The following TENM3 variants were observed in gnomAD, a reference collection of about 807,000 sequenced individuals.
The protein encoded by TENM3 is teneurin transmembrane protein 3.
TENM3 carries 63 observed loss-of-function variants against 255.1 expected under a neutral mutation model. The observed-to-expected ratio is 0.25, with a 90% CI of 0.20 to 0.30. The LOEUF (loss-of-function observed/expected upper bound fraction) is 0.30. TENM3 is among the 10% of genes least tolerant of loss of function. The pLI is 1.00. For missense variants in TENM3, 2,929 were observed against 3,461.1 expected (o/e 0.85, Z 3.86); for synonymous variants, 1,306 against 1,322.3 (o/e 0.99, Z 0.27).
At chr4:182,763,971 A>ACTT (rs964621980) in intron 22 of TENM3, among the ~76,000 whole-genome samples, 3 of 152,214 alleles carry the variant, frequency 2.0e-5, no homozygotes, top group Admixed American at 6.5e-5. Context: ...TAGTTTTTTA[A>ACTT]CTTAATGTTT....
At chr4:182,552,380 TCTC>T (rs528178467) in intron 3 of TENM3, among the ~76,000 whole-genome samples, 97 of 152,350 alleles carry the variant, frequency 6.4e-4, no homozygotes, top group African/African-American at 2.2e-3. Context: ...TTACTGAACA[TCTC>T]CTTATGTTTC....
At chr4:182,551,540 A>G (rs1742018688) in intron 3 of TENM3, among the ~76,000 whole-genome samples, 3 of 151,586 alleles carry the variant, frequency 2.0e-5, no homozygotes, top group Admixed American at 2.0e-4. Context: ...AATCTATTAT[A>G]AATTGTACAA....
chr4:182,475,993 G>A (rs1464058712), intron 3 of TENM3, among the ~76,000 whole-genome samples: 1 of 152,206 alleles, frequency 6.6e-6, no homozygotes, highest in Admixed American at 6.5e-5. Context: ...ATATGGGACA[G>A]TAGTATTTTG....
chr4:182,206,580 C>T (rs945155670), intron 1 of TENM3, among the ~76,000 whole-genome samples: 5 of 152,148 alleles, frequency 3.3e-5, no homozygotes, highest in Non-Finnish European at 7.4e-5. Context: ...ATTCCTCATG[C>T]GTGTCATAGA....
At chr4:182,763,404 A>C (rs1273304432) in intron 22 of TENM3, among the ~76,000 whole-genome samples, 2 of 152,084 alleles carry the variant, frequency 1.3e-5, no homozygotes, top group Non-Finnish European at 2.9e-5. Flanking sequence ...TCTCTACTAA[A>C]AATACAAAAA....
intron 3 of TENM3, among the ~76,000 whole-genome samples, chr4:182,396,886 C>A (rs999589327): frequency 6.6e-6 from 1 of 151,540 alleles, no homozygotes; most frequent in Non-Finnish European, 1.5e-5. Flanking sequence ...TGCTTGTACG[C>A]GAGAGTGGGA....
chr4:182,583,606 T>C (rs1745719988), intron 3 of TENM3, among the ~76,000 whole-genome samples: 1 of 152,120 alleles, frequency 6.6e-6, no homozygotes, highest in Non-Finnish European at 1.5e-5. Context: ...ATCTCCCTAA[T>C]TTTTATATAA....
chr4:182,000,950 T>C, the TENM3 span, among the ~76,000 whole-genome samples: 1 of 151,680 alleles, frequency 6.6e-6, no homozygotes, highest in East Asian at 1.9e-4. Flanking sequence ...ATCTCAGGAA[T>C]GTTTTGAAGA....
chr4:182,288,398 A>G (rs1156650507), intron 1 of TENM3, among the ~76,000 whole-genome samples: 1 of 152,028 alleles, frequency 6.6e-6, no homozygotes, highest in Non-Finnish European at 1.5e-5. Flanking sequence ...TGAAGCCCCC[A>G]TCCCTTCTGG....
intron 3 of TENM3, among the ~76,000 whole-genome samples, chr4:182,459,511 T>C (rs923026846): frequency 6.6e-6 from 1 of 152,218 alleles, no homozygotes; most frequent in Non-Finnish European, 1.5e-5. Flanking sequence ...ATTGTTTGTT[T>C]TAAACAAGAT....
At chr4:181,973,566 CAT>C in the TENM3 span, among the ~76,000 whole-genome samples, 12 of 151,986 alleles carry the variant, frequency 7.9e-5, no homozygotes, top group Admixed American at 3.3e-4. Context: ...GCCTGGGAAA[CAT>C]AGTGAGGCCC....
At chr4:182,197,612 C>G (rs879854196) in intron 1 of TENM3, among the ~76,000 whole-genome samples, 1 of 152,002 alleles carries the variant, frequency 6.6e-6, no homozygotes, top group Non-Finnish European at 1.5e-5. Context: ...TGTAAAGGGC[C>G]CTAAATAGGT....
intron 5 of TENM3, among the ~76,000 whole-genome samples, chr4:182,630,514 A>G (rs1180001629): frequency 2.0e-5 from 3 of 152,172 alleles, no homozygotes; most frequent in Non-Finnish European, 4.4e-5. Flanking sequence ...ACACGGGCAC[A>G]GGGAAGGGAA....
At chr4:182,774,853 G>T (rs1046270350) in intron 23 of TENM3, 65 bp from the exon 24 acceptor site, 6 of 1,197,526 alleles carry the variant, frequency 5.0e-6, no homozygotes, top group Non-Finnish European at 7.2e-6. Context: ...CCTATCTCAC[G>T]GCACAACCGG....
intron 4 of TENM3, among the ~76,000 whole-genome samples, chr4:182,611,022 T>C (rs1345697362): frequency 6.6e-6 from 1 of 151,966 alleles, no homozygotes; most frequent in Non-Finnish European, 1.5e-5. Context: ...GTTGTGATTA[T>C]AGGCATGAGC....
chr4:182,052,689 C>T, the TENM3 span, among the ~76,000 whole-genome samples: 1 of 152,106 alleles, frequency 6.6e-6, no homozygotes, highest in African/African-American at 2.4e-5. Flanking sequence ...GTTCTCTACT[C>T]TGGGCGAGTC....
chr4:182,083,320 C>A, the TENM3 span, among the ~76,000 whole-genome samples: 1 of 152,166 alleles, frequency 6.6e-6, no homozygotes, highest in Non-Finnish European at 1.5e-5. Context: ...CATTCGGAAT[C>A]TTTATATTGA....
At chr4:182,691,797 A>G (rs569048323) in intron 12 of TENM3, among the ~76,000 whole-genome samples, 1 of 152,294 alleles carries the variant, frequency 6.6e-6, no homozygotes, top group Non-Finnish European at 1.5e-5. Context: ...TGATTATTAG[A>G]CCCTTTAATA....
the TENM3 span, among the ~76,000 whole-genome samples, chr4:181,637,694 G>A: frequency 6.6e-6 from 1 of 152,298 alleles, no homozygotes; most frequent in Non-Finnish European, 1.5e-5. Context: ...ATACAAATGT[G>A]AGAGGGACAC....
Sources: gnomAD v4.1 joint callset for allele counts (sites outside exome capture counted in the v4.1 genomes callset) on GRCh38, gnomAD v4.1.1 for gene constraint, MANE v1.5 for transcripts, NCBI Gene and HGNC (gene_info 2026-07-23, HGNC 2026-07-21) for gene names.